LINGO2: variants seen among roughly 807,000 people sequenced by gnomAD.
The protein encoded by LINGO2 is leucine rich repeat and Ig domain containing 2, also known as leucine-rich repeat and immunoglobulin-like domain-containing nogo receptor-interacting protein 2.
Under a neutral mutation model 30.6 loss-of-function variants are expected in LINGO2, and 14 were observed. That is an observed-to-expected ratio of 0.46 (90% CI 0.30 to 0.72). LINGO2 has a LOEUF of 0.72. LINGO2 is among the 30% of genes least tolerant of loss of function. The pLI is 0.07. For missense variants in LINGO2, 729 were observed against 751.7 expected (o/e 0.97, Z 0.35); for synonymous variants, 317 against 288.5 (o/e 1.10, Z -1.00).
At chr9:29,117,531 CAA>C in the LINGO2 span, among the ~76,000 whole-genome samples, 5 of 152,234 alleles carry the variant, frequency 3.3e-5, no homozygotes, top group Non-Finnish European at 4.4e-5. Flanking sequence ...CACCTAGAGT[CAA>C]AGAGATTGGA....
chr9:28,575,665 A>G lies in LINGO2; in HGVS notation c.-365+94535T>C, dbSNP rs184582002. The stretch of plus-strand genomic sequence containing the variant: ...AATATACAATTTACCCATATAACAA[A>G]CCTGCATACACAATACACCTGAAAC... On this transcript the variant is annotated intron_variant, in intron 1 of 5. Transcript: ENST00000379992. 3.5e-3 allele frequency among the ~76,000 whole-genome samples: 527 copies of G among 152,160 alleles called. 15 individuals carry two copies. The highest frequency in any genetic ancestry group is 0.032 in the Admixed American group (485 of 15,264).
chr9:28,079,276 A>G (rs1480018673), intron 4 of LINGO2, among the ~76,000 whole-genome samples: 3 of 152,156 alleles, frequency 2.0e-5, no homozygotes, highest in Non-Finnish European at 4.4e-5. Context: ...GCAGGCAAAA[A>G]CACCAGGGTT....
chr9:28,918,227 G>T, the LINGO2 span, among the ~76,000 whole-genome samples: 2 of 152,142 alleles, frequency 1.3e-5, no homozygotes, highest in Admixed American at 6.6e-5. Flanking sequence ...AAATGAGGAA[G>T]ATGCAAAAGC....
chr9:28,626,826 T>TGTGTGTG (rs1554647197), intron 1 of LINGO2, among the ~76,000 whole-genome samples: 1 of 150,506 alleles, frequency 6.6e-6, no homozygotes, highest in Admixed American at 6.7e-5. Context: ...AAAAATTCTA[T>TGTGTGTG]TGTGTGTGTG....
chr9:28,094,528 TGAGAGA>T (rs748059897), intron 4 of LINGO2, among the ~76,000 whole-genome samples: 2 of 150,312 alleles, frequency 1.3e-5, no homozygotes, highest in Non-Finnish European at 3.0e-5. Flanking sequence ...TGTGTGTGTG[TGAGAGA>T]GAGAGAGAGA....
Position 28,167,149 on chromosome 9 carries a change from C to T in LINGO2, c.-87+128059G>A, listed in dbSNP as rs558241889. On this transcript the variant is annotated intron_variant, in intron 4 of 5. Transcript: ENST00000379992. ...TTTACTTAATATAGCACCCCCCCCC[C>T]CCACTTTTCTTTTCTCCAGCTTTCT... is the stretch of plus-strand genomic sequence containing the variant. 6.3e-5 allele frequency among the ~76,000 whole-genome samples: 9 copies of T among 141,782 alleles called. No individual in the cohort carries two copies. The East Asian group carries it at 7.2e-4, about 11-fold the overall frequency. The allele number at this position is 141,782 out of a possible 152,430, so 93.0% of individuals were successfully genotyped here.
At chr9:29,185,662 G>A in the LINGO2 span, among the ~76,000 whole-genome samples, 1 of 152,158 alleles carries the variant, frequency 6.6e-6, no homozygotes, top group Non-Finnish European at 1.5e-5. Context: ...TTTAGACAAA[G>A]CAGAGTGTAT....
At chr9:27,977,909 T>G (rs901795968) in intron 5 of LINGO2, among the ~76,000 whole-genome samples, 3 of 151,950 alleles carry the variant, frequency 2.0e-5, no homozygotes, top group Admixed American at 1.3e-4. Context: ...AGGCTAGGCA[T>G]TAAGAGATGT....
chr9:27,975,052 G>A (rs1330675952), intron 5 of LINGO2, among the ~76,000 whole-genome samples: 1 of 152,036 alleles, frequency 6.6e-6, no homozygotes, highest in African/African-American at 2.4e-5. Context: ...TTGCATCCTA[G>A]GAATATCAGA....
At chr9:28,921,341 C>T in the LINGO2 span, among the ~76,000 whole-genome samples, 4 of 152,048 alleles carry the variant, frequency 2.6e-5, no homozygotes, top group African/African-American at 9.7e-5. Flanking sequence ...GTCCCACATA[C>T]CTGATTCCAC....
chr9:28,032,044 G>C (rs960236412), intron 4 of LINGO2, among the ~76,000 whole-genome samples: 19 of 148,842 alleles, frequency 1.3e-4, no homozygotes, highest in East Asian at 3.9e-4. Context: ...TGAGGGGTGG[G>C]GGGGGAAAGC....
At chr9:28,554,799 C>A (rs1822549583) in intron 1 of LINGO2, among the ~76,000 whole-genome samples, 1 of 140,036 alleles carries the variant, frequency 7.1e-6, no homozygotes, top group Non-Finnish European at 1.5e-5. Context: ...AACAAACAAT[C>A]TCTCAGACCA....
chr9:28,939,731 C>T, the LINGO2 span, among the ~76,000 whole-genome samples: 2 of 152,214 alleles, frequency 1.3e-5, no homozygotes, highest in African/African-American at 2.4e-5. Flanking sequence ...AAGGTAAATA[C>T]AGCAACTGGA....
chr9:29,151,448 A>G, the LINGO2 span, among the ~76,000 whole-genome samples: 1 of 152,230 alleles, frequency 6.6e-6, no homozygotes, highest in African/African-American at 2.4e-5. Context: ...CTTAAAAGGA[A>G]TAAAGTGGCA....
chr9:28,631,730 C>T (rs972256692), intron 1 of LINGO2, among the ~76,000 whole-genome samples: 1 of 152,022 alleles, frequency 6.6e-6, no homozygotes, highest in African/African-American at 2.4e-5. Context: ...CCGCCTTATA[C>T]CTATGACAGT....
chr9:28,772,526 G>A, the LINGO2 span, among the ~76,000 whole-genome samples: 25 of 152,196 alleles, frequency 1.6e-4, no homozygotes, highest in Non-Finnish European at 2.9e-4. Context: ...CAATTCTTCA[G>A]TAAATGAATG....
intron 2 of LINGO2, among the ~76,000 whole-genome samples, chr9:28,453,377 G>A (rs1021185026): frequency 1.3e-5 from 2 of 151,914 alleles, no homozygotes; most frequent in African/African-American, 2.4e-5. Flanking sequence ...AATGTTGGAG[G>A]TAATATCAGT....
At chr9:28,884,810 GTA>G in the LINGO2 span, among the ~76,000 whole-genome samples, 1,376 of 139,034 alleles carry the variant, frequency 9.9e-3, 24 homozygotes, top group African/African-American at 0.034. Flanking sequence ...TTCTTTAGCA[GTA>G]TATATATATA....
chr9:28,367,459 C>A (rs1377234302), intron 3 of LINGO2, among the ~76,000 whole-genome samples: 1 of 152,024 alleles, frequency 6.6e-6, no homozygotes, highest in South Asian at 2.1e-4. Flanking sequence ...CAGAACTTCA[C>A]TGATAACCTG....
Sources: allele counts gnomAD v4.1 joint callset (sites outside exome capture counted in the v4.1 genomes callset), GRCh38; gene constraint gnomAD v4.1.1; transcripts MANE v1.5; gene names NCBI Gene and HGNC (gene_info 2026-07-23, HGNC 2026-07-21).